Variants in MIA3 observed in about 807,000 individuals in gnomAD.
MIA3 encodes MIA SH3 domain ER export factor 3.
A neutral mutation model predicts 192.4 loss-of-function variants in MIA3; 90 were observed. That is an observed-to-expected ratio of 0.47 (90% CI 0.39 to 0.56). MIA3 has a LOEUF of 0.56. MIA3 is among the 20% of genes least tolerant of loss of function. MIA3 has a pLI of 0.00. For missense variants in MIA3, 2,123 were observed against 2,269.4 expected, an observed-to-expected ratio of 0.94 and a Z score of 1.31; for synonymous variants, 740 against 792.8, an observed-to-expected ratio of 0.93 and a Z score of 1.12.
At chr1:222,652,386 C>T (rs1211552105) in intron 13 of MIA3, 54 bp downstream of exon 13, 15 of 1,068,884 alleles carry the variant, frequency 1.4e-5, no homozygotes, top group Non-Finnish European at 2.0e-5. Flanking sequence ...CAGTATCATA[C>T]CTCATGAATG....
At chr1:222,650,048 A>C (rs1204038618) in intron 8 of MIA3, among the ~76,000 whole-genome samples, 1 of 152,206 alleles carries the variant, frequency 6.6e-6, no homozygotes, top group African/African-American at 2.4e-5. Context: ...CACTCATGAG[A>C]AATCTACCCT....
At chr1:222,643,490 C>T (rs1662956410) in intron 6 of MIA3, among the ~76,000 whole-genome samples, 1 of 152,132 alleles carries the variant, frequency 6.6e-6, no homozygotes, top group African/African-American at 2.4e-5. Flanking sequence ...CTTGATTGTT[C>T]CTCTGAGTTG....
chr1:222,644,570 T>A (rs1453791237), intron 6 of MIA3: 1 of 1,550,492 alleles, frequency 6.4e-7, no homozygotes, highest in Non-Finnish European at 8.7e-7. Context: ...GCAGCCTTCA[T>A]AGCCAAGCTG....
In MIA3 at chr1:222,644,497, G is replaced by C. The variant is rs1384438944; in HGVS notation, c.3478-1057G>C. 3.2e-6 allele frequency: 5 copies of C among 1,550,620 alleles called. No homozygotes were observed. The South Asian group carries it at 4.8e-5, about 15-fold the overall frequency. ...CACAATGGACTCAGTACCTGCCACT[G>C]TGCCTTCTATCGCCGCTACCCCGGG... is the stretch of plus-strand genomic sequence containing the variant. On this transcript the variant is annotated intron_variant, in intron 6 of 27. Transcript: ENST00000344922.
intron 13 of MIA3, among the ~76,000 whole-genome samples, 160 bp downstream of exon 13, chr1:222,652,492 A>G (rs1663493485): frequency 6.6e-6 from 1 of 152,232 alleles, no homozygotes; most frequent in Admixed American, 6.5e-5. Context: ...GAGTGTAGGT[A>G]TACATTCTCT....
intron 6 of MIA3, chr1:222,641,346 T>C: frequency 6.3e-6 from 2 of 315,300 alleles, no homozygotes; most frequent in South Asian, 2.9e-5. Flanking sequence ...ATAAGACCCT[T>C]CCCTTCCCTG....
intron 6 of MIA3, chr1:222,644,710 G>A: frequency 9.3e-7 from 1 of 1,077,470 alleles, no homozygotes; most frequent in Non-Finnish European, 1.4e-6. Context: ...TCCGAGGAAA[G>A]CAAGACGTTT....
intron 11 of MIA3, 74 bp from the exon 12 acceptor site, chr1:222,651,903 T>C (rs1663457695): frequency 1.2e-6 from 1 of 854,542 alleles, no homozygotes; most frequent in Admixed American, 1.9e-5. Flanking sequence ...TTGATGTTTC[T>C]TCTTCTTAGT....
intron 4 of MIA3, 99 bp from the exon 5 acceptor site, chr1:222,632,066 T>G (rs1273057790): frequency 9.9e-7 from 1 of 1,009,184 alleles, no homozygotes; most frequent in Admixed American, 2.4e-5. Context: ...TGCCCATGCA[T>G]GGAGGTCAAT....
In MIA3 at chr1:222,630,234, G is replaced by T. The variant is rs756183815; in HGVS notation, c.3014G>T (p.Gly1005Val). 3 of 1,614,168 alleles carry T rather than the reference G, an allele frequency of 1.9e-6. No individual in the cohort carries two copies. In the Admixed American group the frequency reaches 5.0e-5, roughly 27 times the overall value. The change falls in exon 4 of 28, where the codon GGA (glycine) becomes GTA (valine). Residue 1005 changes from glycine to valine, a missense_variant. By Grantham distance (109) the Gly-to-Val change is moderately radical (BLOSUM62 -3). Coordinates refer to ENST00000344922, the MANE Select transcript of MIA3 (RefSeq NM_198551.4). Reference protein sequence around the residue: ...DTRVAENRDLGMNENNIFEEA... With the variant: ...DTRVAENRDLVMNENNIFEEA... ...CGTGTGGCTGAAAATAGAGATCTGG[G>T]AATGAACGAAAATAACATATTTGAA...
chr1:222,662,085 C>T lies in MIA3; in HGVS notation c.5143C>T (p.Arg1715Ter). ...GSVDGPLPHP[R>*]WSAEASGKPS... ...AGTGGACGGGCCTCTACCTCATCCT[C>T]GATGGTCAGCTGAGGCATCTGGGAA... is the stretch of plus-strand genomic sequence containing the variant. The change falls in exon 25 of 28, where the codon CGA becomes TGA. Residue 1715 changes from arginine (R) to a stop codon, truncating the protein, a stop_gained. Transcript: ENST00000344922. LOFTEE classifies it high-confidence loss of function. The T allele has an allele frequency of 6.2e-7, 1 of 1,614,034 alleles. No homozygotes were observed. The highest frequency in any genetic ancestry group is 8.5e-7 in the Non-Finnish European group (1 of 1,179,938).
chr1:222,654,156 A>G (rs1663581129), intron 15 of MIA3, 87 bp from the exon 16 acceptor site: 2 of 1,256,508 alleles, frequency 1.6e-6, no homozygotes, highest in South Asian at 1.3e-5. Flanking sequence ...GAACATGACA[A>G]TTGTTTAGTT....
chr1:222,631,977 T>G (rs1053862004), intron 4 of MIA3, among the ~76,000 whole-genome samples, 188 bp from the exon 5 acceptor site: 1 of 152,214 alleles, frequency 6.6e-6, no homozygotes, highest in Non-Finnish European at 1.5e-5. Flanking sequence ...GTAGATTTTA[T>G]TATGTAGATT....
At position 222,665,717 on chromosome 1, in the gene MIA3, T is replaced by G; in HGVS notation, c.*98T>G. The G allele has an allele frequency of 1.8e-6, 2 of 1,103,180 alleles. No individual in the cohort carries two copies. The highest frequency in any genetic ancestry group is 4.1e-5 in the South Asian group (2 of 48,212). The allele number at this position is 1,103,180 out of a possible 1,614,324, so 68.3% of individuals were successfully genotyped here. A position where few individuals can be genotyped will look rare whatever the true frequency, so the allele number is the denominator to read the frequency against. ...GGCTTCAAAATCCAAAAGTTTATTT[T>G]AAAAGGTTTGTTGTTAGAACTAAGC... On this transcript the variant is annotated 3_prime_UTR_variant, in exon 28 of 28. Coordinates refer to ENST00000344922, the MANE Select transcript of MIA3 (RefSeq NM_198551.4).
intron 1 of MIA3, among the ~76,000 whole-genome samples, chr1:222,618,544 C>T (rs1171408488): frequency 2.0e-5 from 3 of 152,190 alleles, no homozygotes; most frequent in Non-Finnish European, 4.4e-5. Context: ...GGGTTGCTTG[C>T]GGTGGTCCCC....
chr1:222,626,493 G>A (rs2124833891), intron 3 of MIA3, among the ~76,000 whole-genome samples: 1 of 152,318 alleles, frequency 6.6e-6, no homozygotes, highest in Middle Eastern at 3.4e-3. Flanking sequence ...TGAATGTTTA[G>A]TTAGGGGAAG....
chr1:222,656,144 T>G (rs1047210658), intron 18 of MIA3, among the ~76,000 whole-genome samples: 1 of 151,760 alleles, frequency 6.6e-6, no homozygotes, highest in African/African-American at 2.4e-5. Context: ...TAATTTTTTT[T>G]GTATTTTTAG....
Position 222,631,141 on chromosome 1 carries a change from A to G in MIA3, c.3169+752A>G, listed in dbSNP as rs190182416. ...TTTTCTTTTCTTTTTTTTTTTCTTA[A>G]GACAGGCTCTCACCCTGTCACCCAG... On this transcript the variant is annotated intron_variant, in intron 4 of 27. Coordinates refer to ENST00000344922, the MANE Select transcript of MIA3 (RefSeq NM_198551.4). Among the ~76,000 whole-genome samples, 1,038 of 146,238 alleles carry G rather than the reference A, an allele frequency of 7.1e-3. 4 individuals are homozygous for G. Among genetic ancestry groups the G allele is most frequent in the Non-Finnish European group, 0.011 (770 of 67,054 alleles).
intron 27 of MIA3, 121 bp downstream of exon 27, chr1:222,664,269 C>A (rs1486334421): frequency 1.9e-6 from 2 of 1,041,908 alleles, no homozygotes; most frequent in Admixed American, 2.1e-5. Flanking sequence ...TGATTGAGTA[C>A]ACCGTAACTT....
Sources: gnomAD v4.1 joint callset for allele counts (sites outside exome capture counted in the v4.1 genomes callset) on GRCh38, gnomAD v4.1.1 for gene constraint, MANE v1.5 for transcripts, NCBI Gene and HGNC (gene_info 2026-07-23, HGNC 2026-07-21) for gene names.